Variants in MCIDAS observed in about 807,000 individuals in gnomAD.
MCIDAS encodes multicilin.
Under a neutral mutation model 35.4 loss-of-function variants are expected in MCIDAS, and 23 were observed. The ratio of observed to expected loss-of-function variants is 0.65; its 90% CI spans 0.47 to 0.92. The LOEUF is 0.92. Among genes scored for constraint, MCIDAS ranks in the 40% least tolerant of loss-of-function variants. The pLI is 0.00. For synonymous variants in MCIDAS, 228 were observed against 235.2 expected (o/e 0.97, Z 0.28); for missense variants, 480 against 531.8 (o/e 0.90, Z 0.96).
At position 55,220,165 on chromosome 5, in the gene MCIDAS, A is replaced by G; in HGVS notation, c.*201T>C. ...GCTGTGACATATGTGACATATACATATATAAACAGAGTTTCACTGTGACAA... is the reference window on the plus strand; with the variant it reads ...GCTGTGACATATGTGACATATACATGTATAAACAGAGTTTCACTGTGACAA... On this transcript the variant is annotated 3_prime_UTR_variant, in exon 7 of 7. Coordinates refer to ENST00000513312, the MANE Select transcript of MCIDAS (RefSeq NM_001190787.3). 1 of 585,858 alleles carries G rather than the reference A, an allele frequency of 1.7e-6. No homozygotes were observed. Among genetic ancestry groups the G allele is most frequent in the East Asian group, 2.8e-5 (1 of 35,500 alleles). 36.3% of individuals were successfully genotyped at this position (585,858 alleles called of 1,614,324 possible). A position where few individuals can be genotyped will look rare whatever the true frequency, so the allele number is the denominator to read the frequency against.
rs1023670842 is a variant in MCIDAS, at chr5:55,220,371, T to C, written c.1153A>G (p.Ser385Gly). 6.5e-7 allele frequency: 1 copy of C among 1,534,342 alleles called. No individual in the cohort carries two copies. Among genetic ancestry groups the C allele is most frequent in the African/African-American group, 1.4e-5 (1 of 73,126 alleles). Reference protein sequence around the residue: ...NGGYKFRWVPS With the variant: ...NGGYKFRWVPG ...TTGGGGGACCACATCACAGCTCAAC[T>C]GGGGACCCAGCGGAACTTGTAACCC... Residue 385 changes from serine (S) to glycine (G), a missense_variant, in exon 7 of 7, where the codon AGT (serine) becomes GGT (glycine). By Grantham distance (56) the Ser-to-Gly change is moderately conservative. Transcript: ENST00000513312.
In MCIDAS at chr5:55,222,275, C is replaced by T; in HGVS notation, c.507G>A (p.Pro169=). The T allele has an allele frequency of 3.3e-6, 5 of 1,535,998 alleles. No individual in the cohort carries two copies. In the South Asian group the frequency reaches 4.8e-5, roughly 15 times the overall value. Residue 169 remains proline (P), a synonymous_variant, in exon 5 of 7, where the codon CCG becomes CCA. Coordinates refer to ENST00000513312, the MANE Select transcript of MCIDAS (RefSeq NM_001190787.3). ...PLDPRALQSP[P]LRPPDVPPPE... ...GCGGGGGCACGTCTGGAGGGCGCAGCGGTGGTGACTGCAGGGCCCGTGGGT... is the reference window on the plus strand; with the variant it reads ...GCGGGGGCACGTCTGGAGGGCGCAGTGGTGGTGACTGCAGGGCCCGTGGGT...
chr5:55,227,040 C>G lies in MCIDAS; in HGVS notation c.99G>C (p.Lys33Asn). Residue 33 changes from lysine to asparagine, a missense_variant, in exon 1 of 7, where the codon AAG (lysine) becomes AAC (asparagine). Coordinates refer to ENST00000513312, the MANE Select transcript of MCIDAS (RefSeq NM_001190787.3). ...LALPGRALLC[K>N]PGKPERKFAP... The stretch of plus-strand genomic sequence containing the variant: ...CCACCTTCCTCTCCGGCTTCCCCGG[C>G]TTGCAGAGCAGCGCCCGGCCCGGCA... 1.3e-6 allele frequency: 2 copies of G among 1,519,974 alleles called. No individual in the cohort carries two copies. Among genetic ancestry groups the G allele is most frequent in the Non-Finnish European group, 1.8e-6 (2 of 1,140,298 alleles). The allele number at this position is 1,519,974 out of a possible 1,614,324, so 94.2% of individuals were successfully genotyped here.
At position 55,222,054 on chromosome 5, in the gene MCIDAS, C is replaced by T. The variant is rs2111692674; in HGVS notation, c.606+122G>A. ...ACCGGAGCAATGGCAGCTACGTGAACCACCAGTCAGTCCACTGGTTCCGAC... is the reference window on the plus strand; with the variant it reads ...ACCGGAGCAATGGCAGCTACGTGAATCACCAGTCAGTCCACTGGTTCCGAC... On this transcript the variant is annotated intron_variant, in intron 5 of 6. Transcript: ENST00000513312. 5 of 875,374 alleles carry T rather than the reference C, an allele frequency of 5.7e-6. No individual in the cohort carries two copies. The South Asian group carries it at 8.4e-5, about 15-fold the overall frequency. The allele number at this position is 875,374 out of a possible 1,614,324, so 54.2% of individuals were successfully genotyped here. A position where few individuals can be genotyped will look rare whatever the true frequency, so the allele number is the denominator to read the frequency against.
intron 3 of MCIDAS, among the ~76,000 whole-genome samples, chr5:55,226,259 T>C (rs1261670446): frequency 6.6e-6 from 1 of 152,126 alleles, no homozygotes; most frequent in Non-Finnish European, 1.5e-5. Context: ...CCCACCCGCC[T>C]GGTCTCTCAG....
At position 55,226,878 on chromosome 5, in the gene MCIDAS, C is replaced by T. The variant is rs1580406464; in HGVS notation, c.174G>A (p.Ser58=). Residue 58 remains serine, a synonymous_variant, in exon 2 of 7, where the codon TCG becomes TCA. Transcript: ENST00000513312. ...CGGCGTCCGGGGGATCCTCGTACAC[C>T]GACACCGGGCTCCCGCCTGTGCATC... ...FPGCTGGSPV[S]VYEDPPDAEP... The T allele has an allele frequency of 7.1e-7, 1 of 1,409,630 alleles. No individual in the cohort carries two copies. Among genetic ancestry groups the T allele is most frequent in the East Asian group, 3.0e-5 (1 of 33,432 alleles). The allele number at this position is 1,409,630 out of a possible 1,614,324, so 87.3% of individuals were successfully genotyped here.
intron 4 of MCIDAS, 51 bp from the exon 5 acceptor site, chr5:55,222,450 G>A: frequency 7.2e-7 from 1 of 1,397,474 alleles, no homozygotes; most frequent in Non-Finnish European, 9.4e-7. Context: ...TGCCCAGCTA[G>A]TTACAGGAGC....
intron 4 of MCIDAS, 147 bp from the exon 5 acceptor site, chr5:55,222,546 G>T: frequency 1.5e-6 from 1 of 663,016 alleles, no homozygotes; most frequent in Non-Finnish European, 2.5e-6. Context: ...TGATTACGAG[G>T]CCCTTCCTGA....
chr5:55,226,550 CGAGG>C, intron 3 of MCIDAS, 22 bp downstream of exon 3: 1 of 1,525,820 alleles, frequency 6.6e-7, no homozygotes, highest in Non-Finnish European at 8.8e-7. Context: ...CGTGAAACCA[CGAGG>C]CTCCACGAGA....
At position 55,223,500 on chromosome 5, in the gene MCIDAS, G is replaced by A. The variant is rs1257417922; in HGVS notation, c.310-477C>T. Among the ~76,000 whole-genome samples the A allele has an allele frequency of 6.6e-6, 1 of 152,234 alleles. No individual in the cohort carries two copies. The highest frequency in any genetic ancestry group is 1.5e-5 in the Non-Finnish European group (1 of 68,040). On this transcript the variant is annotated intron_variant, in intron 3 of 6. Coordinates refer to ENST00000513312, the MANE Select transcript of MCIDAS (RefSeq NM_001190787.3). This position sits in a 1 kb window ranked among gnomAD's most constrained non-coding sequence, Gnocchi z 4.4. ...AGCCCGCCACCCACCAACTAGCTAA[G>A]CAGCCGCCTCTGTGAAGCTCGGCGG...
In MCIDAS at chr5:55,222,224, C is replaced by T. The variant is rs1001274635; in HGVS notation, c.558G>A (p.Ala186=). 13 of 1,535,624 alleles carry T rather than the reference C, an allele frequency of 8.5e-6. No homozygotes were observed. Among genetic ancestry groups the T allele is most frequent in the Middle Eastern group, 1.8e-4 (1 of 5,678 alleles). The change falls in exon 5 of 7, where the codon GCG becomes GCA. Residue 186 remains alanine (A), a synonymous_variant. Coordinates refer to ENST00000513312, the MANE Select transcript of MCIDAS (RefSeq NM_001190787.3). ...PPPEQYWKEV[A]DQNQRALGDA... ...CTCCCAACGCTCTCTGGTTCTGGTC[C>T]GCCACCTCCTTCCAGTATTGCTCAG...
rs1280374807 is a variant in MCIDAS at position 55,222,273 on chromosome 5, A to G, written c.509T>C (p.Leu170Pro). 6.5e-7 allele frequency: 1 copy of G among 1,536,032 alleles called. No homozygotes were observed. The highest frequency in any genetic ancestry group is 1.2e-5 in the South Asian group (1 of 84,054). Residue 170 changes from leucine to proline, a missense_variant, in exon 5 of 7, where the codon CTG (leucine) becomes CCG (proline). Leu to Pro is a moderately conservative substitution (Grantham distance 98). Coordinates refer to ENST00000513312, the MANE Select transcript of MCIDAS (RefSeq NM_001190787.3). ...LDPRALQSPP[L>P]RPPDVPPPEQ... ...AGGCGGGGGCACGTCTGGAGGGCGCAGCGGTGGTGACTGCAGGGCCCGTGG... is the reference window on the plus strand; with the variant it reads ...AGGCGGGGGCACGTCTGGAGGGCGCGGCGGTGGTGACTGCAGGGCCCGTGG...
chr5:55,226,529 G>A (rs950563516), intron 3 of MCIDAS, 47 bp downstream of exon 3: 23 of 1,513,364 alleles, frequency 1.5e-5, no homozygotes, highest in Admixed American at 2.0e-5. Context: ...CCCGGAGGAG[G>A]GTTTGGGTTG....
In MCIDAS at chr5:55,220,691, G is replaced by C; in HGVS notation, c.833C>G (p.Ala278Gly). Reference sequence around the variant, plus strand: ...CTCCCTCAGGATGGCGTCCACTTCCGCGCAATCCTGCCCCGCAGCGCTGAC... The same window carrying C: ...CTCCCTCAGGATGGCGTCCACTTCCCCGCAATCCTGCCCCGCAGCGCTGAC... ...ELVSAAGQDC[A>G]EVDAILREIS... The change falls in exon 7 of 7, where the codon GCG becomes GGG. Residue 278 changes from alanine (A) to glycine (G), a missense_variant. Ala to Gly is a moderately conservative substitution (Grantham distance 60). Transcript: ENST00000513312. 1 of 1,536,048 alleles carries C rather than the reference G, an allele frequency of 6.5e-7. No homozygotes were observed. Among genetic ancestry groups the C allele is most frequent in the Non-Finnish European group, 8.7e-7 (1 of 1,146,850 alleles).
Position 55,223,022 on chromosome 5 carries a change from T to A in MCIDAS, c.311A>T (p.Asn104Ile). 1 of 1,535,974 alleles carries A rather than the reference T, an allele frequency of 6.5e-7. No homozygotes were observed. Among genetic ancestry groups the A allele is most frequent in the Non-Finnish European group, 8.7e-7 (1 of 1,146,834 alleles). The change falls in exon 4 of 7, where the codon AAC (asparagine) becomes ATC (isoleucine). Residue 104 changes from asparagine to isoleucine, a missense_variant and splice_region_variant. By Grantham distance (149) the Asn-to-Ile change is moderately radical (BLOSUM62 -3). Transcript: ENST00000513312. This position sits in a 1 kb window ranked among gnomAD's most constrained non-coding sequence, Gnocchi z 4.4. Reference protein sequence around the residue: ...PPGGDLAASQNHSHQTEADFN... With the variant: ...PPGGDLAASQIHSHQTEADFN... Reference sequence around the variant, plus strand: ...GTCTGCTTCCGTTTGGTGGGAATGGTTCTGAAAAAAACCAGAGGTGTACAC... The same window carrying A: ...GTCTGCTTCCGTTTGGTGGGAATGGATCTGAAAAAAACCAGAGGTGTACAC...
In MCIDAS at chr5:55,223,724, CCG is replaced by C. The variant is rs1745406179; in HGVS notation, c.310-703_310-702del. Reference sequence around the variant, plus strand: ...CCAGCTAACCGCCCCACCCATGCAACCGAGCGGGAAGAAAGCTGTGATTCGAG... The same window carrying C: ...CCAGCTAACCGCCCCACCCATGCAACAGCGGGAAGAAAGCTGTGATTCGAG... On this transcript the variant is annotated intron_variant, in intron 3 of 6. Transcript: ENST00000513312. This position sits in a 1 kb window ranked among gnomAD's most constrained non-coding sequence, Gnocchi z 4.4. Among the ~76,000 whole-genome samples, 2 of 152,232 alleles carry C rather than the reference CCG, an allele frequency of 1.3e-5. No individual in the cohort carries two copies. Among genetic ancestry groups the C allele is most frequent in the Non-Finnish European group, 2.9e-5 (2 of 68,042 alleles).
At position 55,227,252 on chromosome 5, in the gene MCIDAS, T is replaced by G; in HGVS notation, c.-114A>C. On this transcript the variant is annotated 5_prime_UTR_variant, in exon 1 of 7. Transcript: ENST00000513312. ...GCAGGCTCCGAAGCCAGCCAGAGGTTGGGGCAGGCGCGTGACCGAGAAGGA... is the reference window on the plus strand; with the variant it reads ...GCAGGCTCCGAAGCCAGCCAGAGGTGGGGGCAGGCGCGTGACCGAGAAGGA... 3.8e-6 allele frequency: 5 copies of G among 1,320,736 alleles called. No individual in the cohort carries two copies. Among genetic ancestry groups the G allele is most frequent in the Admixed American group, 3.9e-5 (1 of 25,590 alleles). 81.8% of individuals were successfully genotyped at this position (1,320,736 alleles called of 1,614,324 possible). A position where few individuals can be genotyped will look rare whatever the true frequency, so the allele number is the denominator to read the frequency against.
rs1420675998 is a variant in MCIDAS, at chr5:55,223,820, T to C, written c.310-797A>G. Among the ~76,000 whole-genome samples the C allele has an allele frequency of 6.6e-6, 1 of 152,120 alleles. No homozygotes were observed. The highest frequency in any genetic ancestry group is 1.5e-5 in the Non-Finnish European group (1 of 68,032). On this transcript the variant is annotated intron_variant, in intron 3 of 6. Coordinates refer to ENST00000513312, the MANE Select transcript of MCIDAS (RefSeq NM_001190787.3). This position sits in a 1 kb window ranked among gnomAD's most constrained non-coding sequence, Gnocchi z 4.4. ...AGTGCGGCCTCCATTGCTCTTTCAG[T>C]TTCCCAAAAAGTTGGGAGTACTCTT... is the stretch of plus-strand genomic sequence containing the variant.
chr5:55,220,982 T>C, intron 6 of MCIDAS, 34 bp downstream of exon 6: 2 of 1,515,464 alleles, frequency 1.3e-6, no homozygotes, highest in African/African-American at 1.4e-5. Flanking sequence ...AGTTCCGACG[T>C]GCTGCAGTTC....
Sources: gnomAD v4.1 joint callset for allele counts (sites outside exome capture counted in the v4.1 genomes callset) on GRCh38, gnomAD v4.1.1 for gene constraint, Gnocchi (gnomAD v3.1) non-coding constraint, MANE v1.5 for transcripts, NCBI Gene and HGNC (gene_info 2026-07-23, HGNC 2026-07-21) for gene names.